The following DTHD1 variants were observed in gnomAD, a reference collection of about 807,000 sequenced individuals.
DTHD1 encodes death domain-containing protein 1.
In DTHD1, 59 loss-of-function variants were observed where a neutral mutation model predicts 74.8. The ratio of observed to expected loss-of-function variants is 0.79; its 90% confidence interval spans 0.64 to 0.98. DTHD1 has a LOEUF of 0.98. DTHD1 is among the 50% of genes least tolerant of loss of function. The pLI is 0.00. For synonymous variants in DTHD1, 365 were observed against 371.1 expected, an observed-to-expected ratio of 0.98 and a Z score of 0.19; for missense variants, 1,051 against 1,065.4, an observed-to-expected ratio of 0.99 and a Z score of 0.19.
chr4:36,306,481 G>A (rs765239246), intron 6 of DTHD1, 129 bp downstream of exon 6: 17 of 1,031,226 alleles, frequency 1.6e-5, no homozygotes, highest in Non-Finnish European at 2.0e-5. Flanking sequence ...TCTTTAAAGG[G>A]TACTTAAAAT....
rs1755577114 is a variant in DTHD1, at chr4:36,284,345, A to C, written c.641A>C (p.Asp214Ala). The change falls in exon 2 of 10, where the codon GAT (aspartate) becomes GCT (alanine). Residue 214 changes from aspartate to alanine, a missense_variant. Coordinates refer to ENST00000639862, the MANE Select transcript of DTHD1 (RefSeq NM_001170700.3). ...QEESQNKMFP[D>A]NAENEDDKQI... is the part of the protein sequence containing the mutation. Reference sequence around the variant, plus strand: ...GAGTCACAGAATAAAATGTTCCCAGATAATGCAGAAAATGAAGATGATAAA... The same window carrying C: ...GAGTCACAGAATAAAATGTTCCCAGCTAATGCAGAAAATGAAGATGATAAA... The C allele has an allele frequency of 1.3e-6, 2 of 1,537,102 alleles. No individual in the cohort carries two copies. Among genetic ancestry groups the C allele is most frequent in the Non-Finnish European group, 1.7e-6 (2 of 1,146,864 alleles).
chr4:36,318,901 A>C (rs1415846332), intron 8 of DTHD1, among the ~76,000 whole-genome samples: 1 of 152,202 alleles, frequency 6.6e-6, no homozygotes, highest in Non-Finnish European at 1.5e-5. Flanking sequence ...GGCGTGAGCC[A>C]CTATGCCTGG....
At chr4:36,300,414 C>A (rs981039952) in intron 5 of DTHD1, among the ~76,000 whole-genome samples, 1 of 152,156 alleles carries the variant, frequency 6.6e-6, no homozygotes. Flanking sequence ...TTTGATACTC[C>A]TGCATCTACA....
At chr4:36,285,688 T>C (rs1755662813) in intron 2 of DTHD1, among the ~76,000 whole-genome samples, 1 of 152,178 alleles carries the variant, frequency 6.6e-6, no homozygotes, top group African/African-American at 2.4e-5. Context: ...AACTTAAATT[T>C]CACTTTCTGT....
intron 4 of DTHD1, among the ~76,000 whole-genome samples, chr4:36,294,520 A>C (rs1316318808): frequency 6.6e-6 from 1 of 152,010 alleles, no homozygotes; most frequent in African/African-American, 2.4e-5. Context: ...TTTCTAGGTC[A>C]TTTTGTTGCC....
rs397992934 is a variant in DTHD1, at chr4:36,318,612, C to CTTTT, written c.2340+2143_2340+2146dup. On this transcript the variant is annotated intron_variant, in intron 8 of 9. Coordinates refer to ENST00000639862, the MANE Select transcript of DTHD1 (RefSeq NM_001170700.3). ...CTTCTGTGCATTTTCTTTTTCTTTT[C>CTTTT]TTTTTTTTTTTTTTTTTTTTGAGAC... is the stretch of plus-strand genomic sequence containing the variant. Among the ~76,000 whole-genome samples the CTTTT allele has an allele frequency of 6.8e-4, 76 of 111,806 alleles. 1 individual carries two copies. The highest frequency in any genetic ancestry group is 7.4e-4 in the Non-Finnish European group (43 of 57,756). 73.3% of individuals were successfully genotyped at this position (111,806 alleles called of 152,430 possible). A position where few individuals can be genotyped will look rare whatever the true frequency, so the allele number is the denominator to read the frequency against.
At chr4:36,287,261 G>C (rs1024285071) in intron 2 of DTHD1, among the ~76,000 whole-genome samples, 1 of 152,162 alleles carries the variant, frequency 6.6e-6, no homozygotes, top group Non-Finnish European at 1.5e-5. Flanking sequence ...ACTTCAGTTA[G>C]AGTAATGTTC....
chr4:36,282,898 G>T lies in DTHD1; in HGVS notation c.271+869G>T, dbSNP rs188028491. 1.9e-3 allele frequency among the ~76,000 whole-genome samples: 288 copies of T among 152,178 alleles called. 1 individual carries two copies. The highest frequency in any genetic ancestry group is 6.6e-3 in the African/African-American group (274 of 41,522). ...TTAGCCTCTGGAGGGAGTGGAACATGGTCTTTGGCAATATAACAAGCAAAT... is the reference window on the plus strand; with the variant it reads ...TTAGCCTCTGGAGGGAGTGGAACATTGTCTTTGGCAATATAACAAGCAAAT... On this transcript the variant is annotated intron_variant, in intron 1 of 9. Coordinates refer to ENST00000639862, the MANE Select transcript of DTHD1 (RefSeq NM_001170700.3).
At chr4:36,320,248 C>T (rs1419349782) in intron 8 of DTHD1, among the ~76,000 whole-genome samples, 1 of 152,036 alleles carries the variant, frequency 6.6e-6, no homozygotes, top group Non-Finnish European at 1.5e-5. Context: ...CAGCCAAGAA[C>T]GAATTTTCTC....
intron 5 of DTHD1, among the ~76,000 whole-genome samples, chr4:36,303,919 C>G (rs1756908773): frequency 6.6e-6 from 1 of 152,176 alleles, no homozygotes; most frequent in African/African-American, 2.4e-5. Context: ...GCAATTAAGT[C>G]CTTGGCCTCA....
intron 5 of DTHD1, 109 bp downstream of exon 5, chr4:36,295,148 A>C: frequency 1.6e-6 from 2 of 1,230,336 alleles, no homozygotes; most frequent in Non-Finnish European, 2.1e-6. Context: ...TTAAAATATT[A>C]TGAAATATCT....
intron 9 of DTHD1, among the ~76,000 whole-genome samples, chr4:36,342,304 A>G (rs1759356613): frequency 6.6e-6 from 1 of 152,176 alleles, no homozygotes; most frequent in Admixed American, 6.6e-5. Context: ...GTGGCTTTGT[A>G]TTGTAAAATC....
At chr4:36,298,717 TGA>T (rs1328120610) in intron 5 of DTHD1, among the ~76,000 whole-genome samples, 2 of 152,198 alleles carry the variant, frequency 1.3e-5, no homozygotes. Context: ...AGTGAAAGGA[TGA>T]GAGTCATTTA....
In DTHD1 at chr4:36,345,880, G is replaced by A. The variant is rs1011907012; in HGVS notation, c.*2056G>A. 2.0e-5 allele frequency: 3 copies of A among 152,306 alleles called. No homozygotes were observed. Among genetic ancestry groups the A allele is most frequent in the Non-Finnish European group, 4.4e-5 (3 of 68,008 alleles). 9.4% of individuals were successfully genotyped at this position (152,306 alleles called of 1,614,324 possible). ...GATGTATCTAAGGACACTCACATAT[G>A]TGTTCACCTGCATGCACACATGCTA... On this transcript the variant is annotated 3_prime_UTR_variant, in exon 10 of 10. Coordinates refer to ENST00000639862, the MANE Select transcript of DTHD1 (RefSeq NM_001170700.3).
At chr4:36,314,111 CTCAAATA>C (rs33915120) in intron 7 of DTHD1, among the ~76,000 whole-genome samples, 18,724 of 147,832 alleles carry the variant, frequency 0.13, 2,778 homozygotes, top group African/African-American at 0.37. Flanking sequence ...CAGGTTGCCT[CTCAAATA>C]TAAACTTTTG....
chr4:36,316,451 T>G lies in DTHD1; in HGVS notation c.2305T>G (p.Leu769Val). 1 of 1,550,052 alleles carries G rather than the reference T, an allele frequency of 6.5e-7. No homozygotes were observed. Among genetic ancestry groups the G allele is most frequent in the Non-Finnish European group, 8.7e-7 (1 of 1,146,614 alleles). Residue 769 changes from leucine (L) to valine (V), a missense_variant, in exon 8 of 10, where the codon TTG becomes GTG. Coordinates refer to ENST00000639862, the MANE Select transcript of DTHD1 (RefSeq NM_001170700.3). The part of the protein sequence containing the change: ...SLVINENHSQ[L>V]PICKLPLKLP... ...CGTAATTAATGAAAACCATTCTCAG[T>G]TGCCAATTTGCAAATTACCATTGAA...
At chr4:36,298,479 T>G (rs1756575534) in intron 5 of DTHD1, among the ~76,000 whole-genome samples, 1 of 152,160 alleles carries the variant, frequency 6.6e-6, no homozygotes. Context: ...TTCCATCTAG[T>G]GGAGCATAAA....
chr4:36,343,493 G>C lies in DTHD1; in HGVS notation c.2399-9G>C. On this transcript the variant is annotated splice_polypyrimidine_tract_variant and intron_variant, in intron 9 of 9. Transcript: ENST00000639862. ...TCCTAACCGTGAGTGTTCCTCCTGT[G>C]CCTGACAGAAGCCCTTTGGGATAAC... 1 of 1,549,398 alleles carries C rather than the reference G, an allele frequency of 6.5e-7. No homozygotes were observed. The highest frequency in any genetic ancestry group is 1.2e-5 in the South Asian group (1 of 83,830).
chr4:36,290,789 T>C, intron 3 of DTHD1, 86 bp downstream of exon 3: 1 of 1,072,056 alleles, frequency 9.3e-7, no homozygotes, highest in Admixed American at 2.7e-5. Flanking sequence ...AGTGTAGATA[T>C]AATTGCTCCA....
Sources: allele counts gnomAD v4.1 joint callset (sites outside exome capture counted in the v4.1 genomes callset), GRCh38; gene constraint gnomAD v4.1.1; transcripts MANE v1.5; gene names NCBI Gene and HGNC (gene_info 2026-07-23, HGNC 2026-07-21).